Variants in BNIPL observed in about 807,000 individuals in gnomAD.
BNIPL encodes BCL2 interacting protein like.
In BNIPL, 33 loss-of-function variants were observed where a neutral mutation model predicts 47.0. The observed-to-expected ratio is 0.70, with a 90% CI of 0.53 to 0.94. The LOEUF is 0.94. Ranked by LOEUF, BNIPL falls within the 40% of genes least tolerant of loss-of-function variation. The pLI is 0.00. For synonymous variants in BNIPL, 145 were observed against 162.7 expected (o/e 0.89, Z 0.83); for missense variants, 404 against 445.2 (o/e 0.91, Z 0.83).
intron 7 of BNIPL, 110 bp downstream of exon 7, chr1:151,043,837 C>T (rs912944956): frequency 1.1e-5 from 15 of 1,311,360 alleles, no homozygotes; most frequent in Middle Eastern, 2.3e-4. Context: ...TGTCCTTTTA[C>T]GTTCCTTTCC....
chr1:151,046,011 T>G (rs1676009767), intron 8 of BNIPL, 56 bp from the exon 9 acceptor site: 1 of 1,612,584 alleles, frequency 6.2e-7, no homozygotes, highest in African/African-American at 1.3e-5. Context: ...TTTGCAAGGA[T>G]TTTTGGGAAC....
rs1299647740 is a variant in BNIPL, at chr1:151,037,589, C to T, written c.64C>T (p.Pro22Ser). The change falls in exon 2 of 10, where the codon CCA becomes TCA. Residue 22 changes from proline (P) to serine (S), a missense_variant. Coordinates refer to ENST00000368931, the MANE Select transcript of BNIPL (RefSeq NM_138278.4). ...DVGVREIAEA[P>S]ELGAALRHGE... ...TAGGGTCAGGGAGATTGCAGAAGCACCAGAACTAGGAGCAGCCCTGAGACA... is the reference window on the plus strand; with the variant it reads ...TAGGGTCAGGGAGATTGCAGAAGCATCAGAACTAGGAGCAGCCCTGAGACA... 1.9e-6 allele frequency: 3 copies of T among 1,607,580 alleles called. No homozygotes were observed. Among genetic ancestry groups the T allele is most frequent in the Non-Finnish European group, 8.5e-7 (1 of 1,176,892 alleles).
chr1:151,042,890 G>A (rs1232760061), intron 4 of BNIPL, 66 bp from the exon 5 acceptor site: 2 of 1,265,812 alleles, frequency 1.6e-6, no homozygotes, highest in African/African-American at 3.1e-5. Context: ...AGGAATCTGA[G>A]GAAGTTACAA....
chr1:151,038,413 A>C, intron 2 of BNIPL, 91 bp from the exon 3 acceptor site: 6 of 964,566 alleles, frequency 6.2e-6, no homozygotes, highest in Non-Finnish European at 4.9e-6. Flanking sequence ...AGGTGATAAA[A>C]TCATGGTGGG....
At chr1:151,037,361 T>G in intron 1 of BNIPL, 2 of 1,299,172 alleles carry the variant, frequency 1.5e-6, no homozygotes, top group Non-Finnish European at 2.0e-6. Context: ...TTACATTCCA[T>G]CTTTCGTCTG....
Position 151,036,708 on chromosome 1 carries a change from G to A in BNIPL, c.-18G>A, listed in dbSNP as rs776825879. On this transcript the variant is annotated 5_prime_UTR_variant, in exon 1 of 10. Coordinates refer to ENST00000368931, the MANE Select transcript of BNIPL (RefSeq NM_138278.4). ...AACTCCTAGGTGTTTAAAGAAGGAG[G>A]CAGGAAGACTTGTGAAGATGGGAAC... 8.7e-6 allele frequency: 14 copies of A among 1,607,022 alleles called. 1 individual carries two copies. The South Asian group carries it at 1.4e-4, about 16-fold the overall frequency.
At chr1:151,042,597 T>TGAACTCAGGAGTTCAAGACCAGCCTA (rs1328661499) in intron 4 of BNIPL, among the ~76,000 whole-genome samples, 2 of 152,090 alleles carry the variant, frequency 1.3e-5, no homozygotes, top group Non-Finnish European at 2.9e-5. Context: ...CTGATTGCTT[T>TGAACTCAGGAGTTCAAGACCAGCCTA]GAACTCAGGA....
At chr1:151,037,871 A>G (rs587638171) in intron 2 of BNIPL, among the ~76,000 whole-genome samples, 5 of 151,990 alleles carry the variant, frequency 3.3e-5, no homozygotes, top group Admixed American at 2.6e-4. Context: ...GTGGTGGCAC[A>G]TGCCTGTAAT....
chr1:151,041,184 CA>C (rs1011914993), intron 4 of BNIPL, among the ~76,000 whole-genome samples: 12 of 147,652 alleles, frequency 8.1e-5, no homozygotes, highest in Admixed American at 2.7e-4. Context: ...GACCCTGTCT[CA>C]AAAAAAAAGG....
chr1:151,037,354 C>T (rs1675647869), intron 1 of BNIPL: 1 of 1,283,404 alleles, frequency 7.8e-7, no homozygotes, highest in African/African-American at 1.5e-5. Context: ...ATTAACTTTA[C>T]ATTCCATCTT....
chr1:151,037,690 A>G (rs149150939), intron 2 of BNIPL, 28 bp downstream of exon 2: 1 of 1,552,390 alleles, frequency 6.4e-7, no homozygotes, highest in Non-Finnish European at 8.8e-7. Context: ...TGGCTGGGAG[A>G]AGGGAGGGGT....
chr1:151,037,221 A>T, intron 1 of BNIPL: 1 of 566,794 alleles, frequency 1.8e-6, no homozygotes, highest in Non-Finnish European at 2.4e-6. Context: ...CTAACTAGGT[A>T]CCGTCTTCCC....
At chr1:151,045,711 G>T in intron 7 of BNIPL, 86 bp from the exon 8 acceptor site, 1 of 1,597,952 alleles carries the variant, frequency 6.3e-7, no homozygotes, top group African/African-American at 1.3e-5. Context: ...GTGAATGAAG[G>T]AAGTTACAGT....
chr1:151,039,832 C>T lies in BNIPL; in HGVS notation c.433+806C>T, dbSNP rs147513516. 9.2e-5 allele frequency among the ~76,000 whole-genome samples: 14 copies of T among 152,238 alleles called. No homozygotes were observed. The East Asian group carries it at 2.1e-3, about 23-fold the overall frequency. ...GTGGTGTGATATAGGCTTACTGCAA[C>T]GTCTGCTTCCTGGGTTCAAGTGATT... On this transcript the variant is annotated intron_variant, in intron 4 of 9. Coordinates refer to ENST00000368931, the MANE Select transcript of BNIPL (RefSeq NM_138278.4).
At chr1:151,044,173 T>C (rs1675927814) in intron 7 of BNIPL, among the ~76,000 whole-genome samples, 1 of 152,046 alleles carries the variant, frequency 6.6e-6, no homozygotes, top group Admixed American at 6.5e-5. Flanking sequence ...TTTGTAGAGA[T>C]GGAGTTTCAC....
intron 7 of BNIPL, chr1:151,045,482 C>T (rs1675983934): frequency 4.4e-6 from 1 of 229,102 alleles, no homozygotes; most frequent in East Asian, 1.3e-4. Flanking sequence ...TGGCATGAAC[C>T]CGGGAAGCAG....
At chr1:151,037,349 CTT>C (rs1675647493) in intron 1 of BNIPL, 1 of 1,272,736 alleles carries the variant, frequency 7.9e-7, no homozygotes, top group Middle Eastern at 3.2e-4. Flanking sequence ...ATATGATTAA[CTT>C]TACATTCCAT....
chr1:151,036,667 C>A lies in BNIPL; in HGVS notation c.-59C>A. The A allele has an allele frequency of 6.8e-7, 1 of 1,465,502 alleles. No homozygotes were observed. The highest frequency in any genetic ancestry group is 9.6e-7 in the Non-Finnish European group (1 of 1,045,446). 90.8% of individuals were successfully genotyped at this position (1,465,502 alleles called of 1,614,324 possible). ...GGTAAGGAAGTGTTGGGGGCTGGGA[C>A]AACCAGCTCCCCAACAACTCCTAGG... On this transcript the variant is annotated 5_prime_UTR_variant, in exon 1 of 10. Transcript: ENST00000368931.
intron 2 of BNIPL, among the ~76,000 whole-genome samples, chr1:151,038,147 G>C (rs1480665149): frequency 6.6e-6 from 1 of 152,086 alleles, no homozygotes; most frequent in Non-Finnish European, 1.5e-5. Flanking sequence ...GGCCGAGGCA[G>C]GTGGATCACT....
Sources: gnomAD v4.1 joint callset for allele counts (sites outside exome capture counted in the v4.1 genomes callset) on GRCh38, gnomAD v4.1.1 for gene constraint, MANE v1.5 for transcripts, NCBI Gene and HGNC (gene_info 2026-07-23, HGNC 2026-07-21) for gene names.